NRG3: variants seen among roughly 807,000 people sequenced by gnomAD.
NRG3 encodes the protein pro-neuregulin-3, membrane-bound isoform.
In NRG3, 31 loss-of-function variants were observed where a neutral mutation model predicts 66.9. The observed-to-expected ratio is 0.46, with a 90% CI of 0.35 to 0.63. The LOEUF is 0.63. Ranked by LOEUF, NRG3 falls within the 20% of genes least tolerant of loss-of-function variation. The pLI is 0.00. For synonymous variants in NRG3, 393 were observed against 359.4 expected (o/e 1.09, Z -1.06); for missense variants, 910 against 878.9 (o/e 1.04, Z -0.45).
chr10:82,427,586 A>T (rs1329523626), intron 2 of NRG3, among the ~76,000 whole-genome samples: 1 of 152,066 alleles, frequency 6.6e-6, no homozygotes, highest in Non-Finnish European at 1.5e-5. Flanking sequence ...TTGGTTTCTT[A>T]CTATTTTGTT....
chr10:82,359,442 G>A (rs1277883535), intron 2 of NRG3, among the ~76,000 whole-genome samples: 3 of 152,168 alleles, frequency 2.0e-5, no homozygotes, highest in Admixed American at 2.0e-4. Context: ...TCCTGTTATA[G>A]TCTAGGTAGA....
intron 1 of NRG3, among the ~76,000 whole-genome samples, chr10:82,028,378 G>T (rs768696455): frequency 6.6e-6 from 1 of 152,024 alleles, no homozygotes; most frequent in Non-Finnish European, 1.5e-5. Flanking sequence ...TGCCTCGTTT[G>T]TTGCCTTCTG....
intron 2 of NRG3, among the ~76,000 whole-genome samples, chr10:82,453,101 A>G (rs2091098546): frequency 6.6e-6 from 1 of 152,180 alleles, no homozygotes; most frequent in African/African-American, 2.4e-5. Flanking sequence ...CTGTTTTCTT[A>G]TATTTTAAAT....
chr10:82,577,780 T>C (rs564003160), intron 2 of NRG3, among the ~76,000 whole-genome samples: 4 of 151,820 alleles, frequency 2.6e-5, no homozygotes, highest in Admixed American at 6.6e-5. Context: ...CAGTGAAAGA[T>C]AAATATACAG....
intron 2 of NRG3, among the ~76,000 whole-genome samples, chr10:82,373,010 T>C (rs1250501645): frequency 1.3e-5 from 2 of 152,228 alleles, no homozygotes; most frequent in East Asian, 1.9e-4. Flanking sequence ...AATGAAACTT[T>C]AGGGATACTT....
chr10:82,329,600 T>A lies in NRG3; in HGVS notation c.824-29139T>A, dbSNP rs533019836. On this transcript the variant is annotated intron_variant, in intron 1 of 8. Coordinates refer to ENST00000372141, the MANE Select transcript of NRG3 (RefSeq NM_001010848.4). ...GTAAAAAAGCAAGGCTGTTTTTAGA[T>A]CTTTTGTCATATTGAGTCATTGTAA... is the stretch of plus-strand genomic sequence containing the variant. 2.6e-5 allele frequency among the ~76,000 whole-genome samples: 4 copies of A among 152,276 alleles called. No individual in the cohort carries two copies. The South Asian group carries it at 8.3e-4, about 32-fold the overall frequency.
chr10:82,347,842 G>T (rs1322789889), intron 1 of NRG3, among the ~76,000 whole-genome samples: 2 of 151,784 alleles, frequency 1.3e-5, no homozygotes, highest in African/African-American at 2.4e-5. Flanking sequence ...TGTCTCTTTT[G>T]ATCTTTGCTG....
intron 2 of NRG3, among the ~76,000 whole-genome samples, chr10:82,662,390 G>T (rs2052435917): frequency 6.6e-6 from 1 of 151,924 alleles, no homozygotes; most frequent in Non-Finnish European, 1.5e-5. Context: ...ATTCTCATGA[G>T]CCAATTCACA....
chr10:82,006,052 A>T (rs559318280), intron 1 of NRG3, among the ~76,000 whole-genome samples: 1 of 152,040 alleles, frequency 6.6e-6, no homozygotes, highest in Non-Finnish European at 1.5e-5. Flanking sequence ...TGTAATGCTA[A>T]ATAGATCTTC....
intron 1 of NRG3, among the ~76,000 whole-genome samples, chr10:82,197,282 T>C (rs1374280060): frequency 6.6e-6 from 1 of 152,150 alleles, no homozygotes; most frequent in Non-Finnish European, 1.5e-5. Flanking sequence ...ATAAGTCTTA[T>C]TTTTTTCAAA....
At chr10:82,048,843 A>G (rs1311405940) in intron 1 of NRG3, among the ~76,000 whole-genome samples, 3 of 151,564 alleles carry the variant, frequency 2.0e-5, no homozygotes, top group African/African-American at 7.3e-5. Context: ...CAAAATTGAT[A>G]GACCGCTAGC....
chr10:82,924,502 A>G (rs997138638), intron 4 of NRG3, among the ~76,000 whole-genome samples: 8 of 151,884 alleles, frequency 5.3e-5, no homozygotes, highest in Non-Finnish European at 5.9e-5. Flanking sequence ...GACACATTCC[A>G]ATGATATTAT....
intron 1 of NRG3, among the ~76,000 whole-genome samples, chr10:82,201,282 A>G (rs2074807089): frequency 6.6e-6 from 1 of 151,358 alleles, no homozygotes; most frequent in Non-Finnish European, 1.5e-5. Context: ...CCTGGACTCC[A>G]TGGCCAGAGG....
chr10:82,138,957 C>T (rs1223227593), intron 1 of NRG3, among the ~76,000 whole-genome samples: 1 of 152,124 alleles, frequency 6.6e-6, no homozygotes, highest in African/African-American at 2.4e-5. Context: ...TGTCCACTGA[C>T]TCAAATGTTA....
At chr10:82,817,613 G>T (rs2061768266) in intron 3 of NRG3, among the ~76,000 whole-genome samples, 1 of 152,120 alleles carries the variant, frequency 6.6e-6, no homozygotes, top group South Asian at 2.1e-4. Context: ...AAGAATGAAG[G>T]TGTATGCCCC....
chr10:82,730,632 G>T (rs922165432), intron 2 of NRG3, among the ~76,000 whole-genome samples: 26 of 152,130 alleles, frequency 1.7e-4, no homozygotes, highest in Admixed American at 1.4e-3. Context: ...CAGTCTGTAG[G>T]TAATTTTAAT....
chr10:82,797,450 A>G (rs1378111561), intron 3 of NRG3, among the ~76,000 whole-genome samples: 1 of 152,192 alleles, frequency 6.6e-6, no homozygotes, highest in Non-Finnish European at 1.5e-5. Flanking sequence ...GGTCATGTCC[A>G]AAGTCACCTA....
chr10:82,831,328 T>C (rs930507993), intron 3 of NRG3, among the ~76,000 whole-genome samples: 2 of 152,164 alleles, frequency 1.3e-5, no homozygotes, highest in African/African-American at 4.8e-5. Flanking sequence ...GGACTGCTGA[T>C]CCAAAGCCTA....
At chr10:81,985,746 C>T (rs2060494052) in intron 1 of NRG3, among the ~76,000 whole-genome samples, 1 of 152,210 alleles carries the variant, frequency 6.6e-6, no homozygotes, top group South Asian at 2.1e-4. Flanking sequence ...TTCTCTTTAT[C>T]CTCCATTGTG....
Sources: allele counts gnomAD v4.1 joint callset (sites outside exome capture counted in the v4.1 genomes callset), GRCh38; gene constraint gnomAD v4.1.1; transcripts MANE v1.5; gene names NCBI Gene and HGNC (gene_info 2026-07-23, HGNC 2026-07-21).